The following CMKLR1 variants were observed in gnomAD, a reference collection of about 807,000 sequenced individuals.
The protein encoded by CMKLR1 is chemerin chemokine-like receptor 1, also known as chemerin-like receptor 1.
A neutral mutation model predicts 8.2 loss-of-function variants in CMKLR1; 6 were observed. The ratio of observed to expected loss-of-function variants is 0.73; its 90% CI spans 0.40 to 1.44. CMKLR1 has a LOEUF of 1.44. CMKLR1 is among the 40% of genes most tolerant of loss of function. The probability of loss-of-function intolerance (pLI) is 0.02; values close to 1 mark genes in which losing one functional copy is unlikely to be tolerated. For missense variants in CMKLR1, 429 were observed against 478.0 expected, an observed-to-expected ratio of 0.90 and a Z score of 0.96; for synonymous variants, 178 against 181.2, an observed-to-expected ratio of 0.98 and a Z score of 0.14.
In CMKLR1 at chr12:108,330,085, G is replaced by A. The variant is rs549052170; in HGVS notation, c.-164C>T. 6.6e-6 allele frequency: 1 copy of A among 152,288 alleles called. No individual in the cohort carries two copies. The highest frequency in any genetic ancestry group is 1.5e-5 in the Non-Finnish European group (1 of 68,034). 9.4% of individuals were successfully genotyped at this position (152,288 alleles called of 1,614,324 possible). On this transcript the variant is annotated 5_prime_UTR_variant, in exon 2 of 4. Coordinates refer to ENST00000550402, the MANE Select transcript of CMKLR1 (RefSeq NM_001142343.2). ...GAGTTGCTGTGACCAACAGAAAGTGGTAGAAGTGATGCTGTGCTAGTCCCA... is the reference window on the plus strand; with the variant it reads ...GAGTTGCTGTGACCAACAGAAAGTGATAGAAGTGATGCTGTGCTAGTCCCA...
chr12:108,324,304 G>A (rs1266183988), intron 2 of CMKLR1, among the ~76,000 whole-genome samples: 3 of 152,216 alleles, frequency 2.0e-5, no homozygotes, highest in Non-Finnish European at 4.4e-5. Flanking sequence ...TTCAAGTGTT[G>A]TAGTGAAGGC....
intron 2 of CMKLR1, among the ~76,000 whole-genome samples, chr12:108,308,321 C>T (rs574490625): frequency 1.3e-5 from 2 of 152,332 alleles, no homozygotes; most frequent in Admixed American, 1.3e-4. Flanking sequence ...CAGGGTGAAA[C>T]TGAAATGTGT....
chr12:108,291,658 G>C lies in CMKLR1; in HGVS notation c.*183C>G, dbSNP rs1890969620. 1 of 660,418 alleles carries C rather than the reference G, an allele frequency of 1.5e-6. No homozygotes were observed. Among genetic ancestry groups the C allele is most frequent in the Middle Eastern group, 4.3e-4 (1 of 2,318 alleles). 40.9% of individuals were successfully genotyped at this position (660,418 alleles called of 1,614,324 possible). A position where few individuals can be genotyped will look rare whatever the true frequency, so the allele number is the denominator to read the frequency against. On this transcript the variant is annotated 3_prime_UTR_variant, in exon 4 of 4. Transcript: ENST00000550402. Reference sequence around the variant, plus strand: ...TCCAAGGCTGTATGGAACACAGCATGTTCTGTCCACTAGAAGAAAGGGGTT... The same window carrying C: ...TCCAAGGCTGTATGGAACACAGCATCTTCTGTCCACTAGAAGAAAGGGGTT...
chr12:108,293,472 C>T (rs1891048620), intron 3 of CMKLR1, 117 bp downstream of exon 3: 4 of 1,072,356 alleles, frequency 3.7e-6, no homozygotes, highest in African/African-American at 1.6e-5. Flanking sequence ...GTGCTGTGAA[C>T]TTGATTCCAA....
chr12:108,320,013 CAG>C (rs1397299254), intron 2 of CMKLR1, among the ~76,000 whole-genome samples: 2 of 152,038 alleles, frequency 1.3e-5, no homozygotes, highest in Non-Finnish European at 2.9e-5. Context: ...TAAATCATGA[CAG>C]AGTAAGCCCA....
intron 2 of CMKLR1, among the ~76,000 whole-genome samples, chr12:108,303,352 T>A (rs1273988000): frequency 1.3e-5 from 2 of 152,192 alleles, no homozygotes; most frequent in Non-Finnish European, 2.9e-5. Context: ...CAAGGTCACA[T>A]CTGGCTTCTC....
At chr12:108,311,041 AT>A (rs1316262935) in intron 2 of CMKLR1, among the ~76,000 whole-genome samples, 2 of 151,282 alleles carry the variant, frequency 1.3e-5, no homozygotes, top group Non-Finnish European at 2.9e-5. Flanking sequence ...CTGGAAAGGC[AT>A]CCCCCACTGC....
At position 108,291,602 on chromosome 12, in the gene CMKLR1, G is replaced by A. The variant is rs2137289722; in HGVS notation, c.*239C>T. On this transcript the variant is annotated 3_prime_UTR_variant, in exon 4 of 4. Transcript: ENST00000550402. The stretch of plus-strand genomic sequence containing the variant: ...TCCTTTTTTGCTTTGAGTCAGTCAA[G>A]GCTGGCCTCCCAAGAAGCATAAATT... The A allele has an allele frequency of 3.9e-6, 2 of 507,228 alleles. 1 individual carries two copies. Among genetic ancestry groups the A allele is most frequent in the Non-Finnish European group, 6.9e-6 (2 of 288,480 alleles). The allele number at this position is 507,228 out of a possible 1,614,324, so 31.4% of individuals were successfully genotyped here.
intron 2 of CMKLR1, among the ~76,000 whole-genome samples, chr12:108,310,299 A>G (rs1891521056): frequency 6.6e-6 from 1 of 152,178 alleles, no homozygotes; most frequent in East Asian, 1.9e-4. Context: ...GGCAATAGGG[A>G]GCCATGGATG....
intron 2 of CMKLR1, among the ~76,000 whole-genome samples, chr12:108,305,552 G>A (rs1207792615): frequency 6.6e-6 from 1 of 152,134 alleles, no homozygotes; most frequent in Non-Finnish European, 1.5e-5. Context: ...TACCCTCCAG[G>A]GCAGAGAGAA....
chr12:108,309,607 A>T (rs1380488289), intron 2 of CMKLR1, among the ~76,000 whole-genome samples: 2 of 152,114 alleles, frequency 1.3e-5, no homozygotes, highest in African/African-American at 2.4e-5. Context: ...TGGGAGTAAG[A>T]TGGCCCAGTC....
intron 2 of CMKLR1, among the ~76,000 whole-genome samples, chr12:108,315,681 G>A (rs1385180415): frequency 6.6e-6 from 1 of 152,158 alleles, no homozygotes; most frequent in African/African-American, 2.4e-5. Context: ...GAACTTTCCA[G>A]GATTTAAACA....
chr12:108,312,535 G>A (rs758379800), intron 2 of CMKLR1, among the ~76,000 whole-genome samples: 7 of 152,278 alleles, frequency 4.6e-5, no homozygotes, highest in East Asian at 1.9e-4. Flanking sequence ...AGGCACAGAC[G>A]GCATACTCAG....
intron 2 of CMKLR1, among the ~76,000 whole-genome samples, chr12:108,324,837 G>C (rs78929395): frequency 3.9e-5 from 3 of 77,906 alleles, no homozygotes; most frequent in Non-Finnish European, 8.0e-5. Context: ...CCACAATGTG[G>C]TGGGTGGCCT....
intron 2 of CMKLR1, among the ~76,000 whole-genome samples, chr12:108,314,979 C>T (rs1891684265): frequency 1.4e-5 from 2 of 142,544 alleles, no homozygotes; most frequent in Non-Finnish European, 3.0e-5. Context: ...CTCTTGTTGC[C>T]CAGGCTGGAG....
intron 2 of CMKLR1, among the ~76,000 whole-genome samples, chr12:108,304,693 T>A (rs1041946723): frequency 1.3e-5 from 2 of 152,172 alleles, no homozygotes; most frequent in African/African-American, 2.4e-5. Flanking sequence ...TCTCTTCCCA[T>A]GTTTTCTCCA....
At chr12:108,300,834 AG>A (rs1337147160) in intron 2 of CMKLR1, among the ~76,000 whole-genome samples, 1 of 152,234 alleles carries the variant, frequency 6.6e-6, no homozygotes, top group African/African-American at 2.4e-5. Flanking sequence ...TCATTAATAA[AG>A]TACTTCCTTT....
At position 108,293,603 on chromosome 12, in the gene CMKLR1, T is replaced by C. The variant is rs1891052116; in HGVS notation, c.-12A>G. On this transcript the variant is annotated 5_prime_UTR_variant, in exon 3 of 4. Transcript: ENST00000550402. ...GACTTCCTCACCATTCACCGTTATG[T>C]TGTCTGCAGCTCTCCAATGTGAGTC... is the stretch of plus-strand genomic sequence containing the variant. 1.3e-6 allele frequency: 2 copies of C among 1,551,158 alleles called. No individual in the cohort carries two copies. Among genetic ancestry groups the C allele is most frequent in the Non-Finnish European group, 1.7e-6 (2 of 1,146,936 alleles).
chr12:108,315,880 G>A (rs1162745326), intron 2 of CMKLR1, among the ~76,000 whole-genome samples: 1 of 152,132 alleles, frequency 6.6e-6, no homozygotes, highest in African/African-American at 2.4e-5. Flanking sequence ...TGGGTCCCTG[G>A]GCAAGTGACA....
Sources: allele counts gnomAD v4.1 joint callset (sites outside exome capture counted in the v4.1 genomes callset), GRCh38; gene constraint gnomAD v4.1.1; transcripts MANE v1.5; gene names NCBI Gene and HGNC (gene_info 2026-07-23, HGNC 2026-07-21).